Variants in CSMD3 observed in about 807,000 individuals in gnomAD.
The protein encoded by CSMD3 is CUB and sushi domain-containing protein 3.
In CSMD3, 177 loss-of-function variants were observed where a neutral mutation model predicts 435.2. That is an observed-to-expected ratio of 0.41 (90% confidence interval 0.36 to 0.46). The LOEUF is 0.46. Among genes scored for constraint, CSMD3 ranks in the 20% least tolerant of loss-of-function variants. The pLI, the probability that CSMD3 is intolerant of heterozygous loss-of-function variation, is 0.34. For missense variants in CSMD3, 4,265 were observed against 4,504.6 expected, an observed-to-expected ratio of 0.95 and a Z score of 1.52; for synonymous variants, 1,656 against 1,520.5, an observed-to-expected ratio of 1.09 and a Z score of -2.07.
intron 31 of CSMD3, among the ~76,000 whole-genome samples, chr8:112,481,943 C>T (rs1379747827): frequency 1.3e-5 from 2 of 152,030 alleles, no homozygotes. Context: ...AAATGATAAG[C>T]CTCCAATAAT....
chr8:112,428,138 CT>C (rs1813274388), intron 32 of CSMD3, among the ~76,000 whole-genome samples: 2 of 152,012 alleles, frequency 1.3e-5, no homozygotes, highest in South Asian at 2.1e-4. Context: ...TTCATGTATG[CT>C]TTTTAATTTT....
At chr8:113,320,003 A>G (rs2093938342) in intron 1 of CSMD3, among the ~76,000 whole-genome samples, 1 of 152,054 alleles carries the variant, frequency 6.6e-6, no homozygotes, top group Non-Finnish European at 1.5e-5. Flanking sequence ...TGATATAAAG[A>G]ACATTGTCCA....
intron 31 of CSMD3, among the ~76,000 whole-genome samples, chr8:112,475,406 A>G (rs555671536): frequency 6.6e-6 from 1 of 152,272 alleles, no homozygotes; most frequent in Non-Finnish European, 1.5e-5. Context: ...CCTTATGGTA[A>G]TATTATGTTA....
At chr8:112,921,841 A>G in intron 9 of CSMD3, 90 bp from the exon 10 acceptor site, 1 of 964,788 alleles carries the variant, frequency 1.0e-6, no homozygotes. Context: ...CAATAGGTCA[A>G]ATATGTACTA....
chr8:113,165,998 G>C (rs1231185072), intron 4 of CSMD3, among the ~76,000 whole-genome samples: 1 of 152,012 alleles, frequency 6.6e-6, no homozygotes, highest in Non-Finnish European at 1.5e-5. Flanking sequence ...ACATACATAA[G>C]GCCAACACAT....
intron 1 of CSMD3, among the ~76,000 whole-genome samples, chr8:113,390,398 A>T (rs929016924): frequency 6.6e-6 from 1 of 151,810 alleles, no homozygotes; most frequent in Non-Finnish European, 1.5e-5. Flanking sequence ...ATATTTTTAT[A>T]CTTTAGGACC....
intron 10 of CSMD3, among the ~76,000 whole-genome samples, chr8:112,877,369 G>A (rs2081314232): frequency 6.6e-6 from 1 of 151,926 alleles, no homozygotes; most frequent in African/African-American, 2.4e-5. Context: ...AGGTTCAAGT[G>A]ATTCTCTAGA....
chr8:112,895,131 A>G (rs932543039), intron 10 of CSMD3, among the ~76,000 whole-genome samples: 5 of 151,354 alleles, frequency 3.3e-5, no homozygotes, highest in African/African-American at 9.7e-5. Context: ...CAGTCTGGTG[A>G]TATAACAGTC....
chr8:112,906,119 G>C lies in CSMD3; in HGVS notation c.1633+15508C>G, dbSNP rs987296784. Among the ~76,000 whole-genome samples the C allele has an allele frequency of 2.6e-5, 4 of 151,308 alleles. No individual in the cohort carries two copies. In the Admixed American group the frequency reaches 2.6e-4, roughly 10 times the overall value. On this transcript the variant is annotated intron_variant, in intron 10 of 70. Transcript: ENST00000297405. ...TCTGATCTCAAACTTCCAGCCTCCA[G>C]AACTGTGAGAAAGAAACATTTCTTC...
intron 27 of CSMD3, among the ~76,000 whole-genome samples, chr8:112,549,796 G>A (rs1827516838): frequency 6.6e-6 from 1 of 151,754 alleles, no homozygotes; most frequent in South Asian, 2.1e-4. Flanking sequence ...ACCCAGTATC[G>A]GGTCACTAGG....
chr8:112,241,906 T>C (rs906785456), intron 65 of CSMD3, 121 bp from the exon 66 acceptor site: 1 of 768,322 alleles, frequency 1.3e-6, no homozygotes, highest in African/African-American at 1.7e-5. Flanking sequence ...TCTCTGACAT[T>C]TCACATAGAT....
intron 59 of CSMD3, 105 bp from the exon 60 acceptor site, chr8:112,265,695 T>G: frequency 1.2e-6 from 1 of 829,930 alleles, no homozygotes; most frequent in South Asian, 1.3e-5. Flanking sequence ...GAAAATTAGT[T>G]ATCGTGTTCA....
intron 50 of CSMD3, chr8:112,310,637 T>C: frequency 2.7e-6 from 1 of 366,834 alleles, no homozygotes; most frequent in Non-Finnish European, 5.3e-6. Flanking sequence ...TATTCTCTAT[T>C]ACCTCTCTGC....
rs1424203995 is a variant in CSMD3, at chr8:112,591,749, AAT to A, written c.3716-4516_3716-4515del. ...TAATTATTACCAGAAGAAAAATAAT[AAT>A]ACATGATTTTGCTCATAGAGGATCA... On this transcript the variant is annotated intron_variant, in intron 22 of 70. Coordinates refer to ENST00000297405, the MANE Select transcript of CSMD3 (RefSeq NM_198123.2). Among the ~76,000 whole-genome samples the A allele has an allele frequency of 3.9e-5, 6 of 152,194 alleles. No homozygotes were observed. In the East Asian group the frequency reaches 1.2e-3, roughly 29 times the overall value.
intron 2 of CSMD3, 161 bp downstream of exon 2, chr8:113,314,410 T>G: frequency 1.6e-6 from 1 of 621,810 alleles, no homozygotes; most frequent in Non-Finnish European, 2.9e-6. Context: ...GACACCAAGC[T>G]AATTTGTTCA....
rs912316833 is a variant in CSMD3, at chr8:113,046,215, G to C, written c.918-27036C>G. Among the ~76,000 whole-genome samples the C allele has an allele frequency of 3.4e-5, 5 of 148,688 alleles. 1 individual carries two copies. The highest frequency in any genetic ancestry group is 7.6e-5 in the Non-Finnish European group (5 of 66,100). ...CAGGCTGACGCCAACCACACGAGGT[G>C]CGACCCCAGGTGTGTGAGGGAAAGG... On this transcript the variant is annotated intron_variant, in intron 5 of 70. Transcript: ENST00000297405.
chr8:112,304,969 T>TATTCC (rs144588079), intron 51 of CSMD3, 54 bp from the exon 52 acceptor site: 1 of 1,323,506 alleles, frequency 7.6e-7, no homozygotes, highest in African/African-American at 1.5e-5. Context: ...TCTCAACGTC[T>TATTCC]ATTCCATTCT....
intron 1 of CSMD3, among the ~76,000 whole-genome samples, chr8:113,320,534 C>T (rs1407190812): frequency 2.0e-5 from 3 of 152,098 alleles, no homozygotes; most frequent in Non-Finnish European, 4.4e-5. Flanking sequence ...CAGCCATCTT[C>T]ACAAAACACT....
intron 13 of CSMD3, among the ~76,000 whole-genome samples, chr8:112,760,899 T>C (rs538808336): frequency 6.6e-6 from 1 of 152,270 alleles, no homozygotes; most frequent in East Asian, 1.9e-4. Flanking sequence ...TGGATGAAAC[T>C]CTTCTTTTTA....
Sources: allele counts gnomAD v4.1 joint callset (sites outside exome capture counted in the v4.1 genomes callset), GRCh38; gene constraint gnomAD v4.1.1; transcripts MANE v1.5; gene names NCBI Gene and HGNC (gene_info 2026-07-23, HGNC 2026-07-21).